COL18A1: variants seen among roughly 807,000 people sequenced by gnomAD.
The protein encoded by COL18A1 is collagen alpha-1(XVIII) chain.
COL18A1 carries 133 observed loss-of-function variants against 168.0 expected under a neutral mutation model. That is an observed-to-expected ratio of 0.79 (90% CI 0.69 to 0.91). The LOEUF (loss-of-function observed/expected upper bound fraction) is 0.91, where lower values mean the gene tolerates loss of function less well. Ranked by LOEUF, COL18A1 falls within the 40% of genes least tolerant of loss-of-function variation. The pLI is 0.00. For missense variants in COL18A1, 2,126 were observed against 1,925.4 expected (o/e 1.10, Z -1.95); for synonymous variants, 949 against 809.0 (o/e 1.17, Z -2.94).
At chr21:45,429,524 A>G (rs1362788948) in intron 2 of COL18A1, among the ~76,000 whole-genome samples, 1 of 152,186 alleles carries the variant, frequency 6.6e-6, no homozygotes, top group Non-Finnish European at 1.5e-5. Context: ...GCTGCATAGA[A>G]CATGGCCCAG....
rs758740270 is a variant in COL18A1 at position 45,477,928 on chromosome 21, C to T, written c.1184C>T (p.Pro395Leu). The T allele has an allele frequency of 1.2e-5, 19 of 1,560,328 alleles. No homozygotes were observed. Among genetic ancestry groups the T allele is most frequent in the Middle Eastern group, 1.7e-4 (1 of 5,980 alleles). The change falls in exon 8 of 42, where the codon CCG becomes CTG. Residue 395 changes from proline (P) to leucine (L), a missense_variant. Transcript: ENST00000651438. ...VPGPQGPPGPPGRDGTPGRDG... is the reference protein window; with the variant it reads ...VPGPQGPPGPLGRDGTPGRDG... Reference sequence around the variant, plus strand: ...GGACCACAAGGACCCCCAGGGCCTCCGGGGAGGGACGGCACCCCTGGAAGG... The same window carrying T: ...GGACCACAAGGACCCCCAGGGCCTCTGGGGAGGGACGGCACCCCTGGAAGG...
At chr21:45,455,199 C>T (rs1430030185) in intron 2 of COL18A1, among the ~76,000 whole-genome samples, 1 of 152,256 alleles carries the variant, frequency 6.6e-6, no homozygotes, top group Non-Finnish European at 1.5e-5. Flanking sequence ...AATCCAGAGA[C>T]TCAGCAGCCC....
chr21:45,408,353 ACATGTG>A (rs1171428759), intron 2 of COL18A1: 1 of 152,300 alleles, frequency 6.6e-6, no homozygotes, highest in Non-Finnish European at 1.5e-5. Context: ...ACAAAAGTGC[ACATGTG>A]TGTGCACACA....
chr21:45,443,319 G>A lies in COL18A1; in HGVS notation c.107-24923G>A, dbSNP rs1010498056. On this transcript the variant is annotated intron_variant, in intron 2 of 41. Coordinates refer to ENST00000651438, the MANE Select transcript of COL18A1 (RefSeq NM_001379500.1). This position sits in a 1 kb window ranked among gnomAD's most constrained non-coding sequence, Gnocchi z 5.2. ...CAGCCCCATGGGAACCTGGCTGTGTGAGCCTGCCCTGGGGCCTTCCATGAG... is the reference window on the plus strand; with the variant it reads ...CAGCCCCATGGGAACCTGGCTGTGTAAGCCTGCCCTGGGGCCTTCCATGAG... 2.0e-5 allele frequency among the ~76,000 whole-genome samples: 3 copies of A among 152,176 alleles called. No individual in the cohort carries two copies. The highest frequency in any genetic ancestry group is 7.2e-5 in the African/African-American group (3 of 41,434).
chr21:45,422,485 G>C (rs1423616983), intron 2 of COL18A1: 3 of 528,970 alleles, frequency 5.7e-6, no homozygotes, highest in Non-Finnish European at 1.2e-5. Flanking sequence ...GCAGAAGCCA[G>C]GAGCCGGGGC....
chr21:45,431,569 A>C (rs7281960), intron 2 of COL18A1, among the ~76,000 whole-genome samples: 1,642 of 124,070 alleles, frequency 0.013, 43 homozygotes, highest in East Asian at 0.037. Flanking sequence ...AGGCAGGACC[A>C]GGCGGCCCTG....
At chr21:45,503,648 A>AGG (rs1399435227) in intron 32 of COL18A1, among the ~76,000 whole-genome samples, 2 of 56,296 alleles carry the variant, frequency 3.6e-5, no homozygotes, top group East Asian at 6.3e-4. Context: ...GGGTGGGGGG[A>AGG]GGGGGGAGGG....
At chr21:45,487,579 C>A in intron 17 of COL18A1, 70 bp downstream of exon 17, 1 of 1,587,238 alleles carries the variant, frequency 6.3e-7, no homozygotes, top group Non-Finnish European at 8.6e-7. Flanking sequence ...GGAGAGTGTC[C>A]CTGAGAGCCA....
At chr21:45,507,974 T>A (rs895222411) in intron 38 of COL18A1, among the ~76,000 whole-genome samples, 4 of 152,158 alleles carry the variant, frequency 2.6e-5, no homozygotes, top group African/African-American at 9.7e-5. Context: ...GGTGGGTGAC[T>A]GGGTGGGTGA....
intron 2 of COL18A1, among the ~76,000 whole-genome samples, chr21:45,430,216 C>T (rs545807753): frequency 6.6e-6 from 1 of 151,410 alleles, no homozygotes; most frequent in South Asian, 2.1e-4. Flanking sequence ...AGCACCCTCT[C>T]GCCCTCTCCT....
At chr21:45,422,445 C>T (rs1185032276) in intron 2 of COL18A1, 1 of 531,996 alleles carries the variant, frequency 1.9e-6, no homozygotes, top group East Asian at 5.5e-5. Context: ...ATGGGAGGCT[C>T]CAGGATAGAG....
Position 45,509,530 on chromosome 21 carries a change from T to C in COL18A1, c.3424T>C (p.Ser1142Pro). Residue 1142 changes from serine to proline, a missense_variant, in exon 39 of 42, where the codon TCC (serine) becomes CCC (proline). Physicochemically the swap from Ser to Pro is moderately conservative, Grantham distance 74 (BLOSUM62 -1). Transcript: ENST00000651438. ...CTACCCCGGAGCCCCGCACCACAGC[T>C]CCTACGTGCACCTGCGGCCGGCGCG... Reference protein sequence around the residue: ...QPYPGAPHHSSYVHLRPARPT... With the variant: ...QPYPGAPHHSPYVHLRPARPT... 6.5e-7 allele frequency: 1 copy of C among 1,536,840 alleles called. No individual in the cohort carries two copies. The highest frequency in any genetic ancestry group is 8.7e-7 in the Non-Finnish European group (1 of 1,143,304).
rs769451817 is a variant in COL18A1, at chr21:45,491,214, T to G, written c.2068-11T>G. The stretch of plus-strand genomic sequence containing the variant: ...GAGATGAAATGCCGGACGCGTGGCC[T>G]CCTCTTCCAGGGAGATCCAGGGAAG... On this transcript the variant is annotated splice_polypyrimidine_tract_variant and intron_variant, in intron 21 of 41. Transcript: ENST00000651438. 1 of 1,609,218 alleles carries G rather than the reference T, an allele frequency of 6.2e-7. No individual in the cohort carries two copies. Among genetic ancestry groups the G allele is most frequent in the Admixed American group, 1.7e-5 (1 of 60,016 alleles).
chr21:45,479,836 T>G, intron 9 of COL18A1, 66 bp from the exon 10 acceptor site: 12 of 1,606,214 alleles, frequency 7.5e-6, no homozygotes, highest in African/African-American at 1.3e-5. Flanking sequence ...GGAGGAGCAC[T>G]GAGAGTGCTG....
At position 45,443,100 on chromosome 21, in the gene COL18A1, G is replaced by A. The variant is rs1428450667; in HGVS notation, c.107-25142G>A. On this transcript the variant is annotated intron_variant, in intron 2 of 41. Transcript: ENST00000651438. This position sits in a 1 kb window ranked among gnomAD's most constrained non-coding sequence, Gnocchi z 5.2. Reference sequence around the variant, plus strand: ...GGGTGGTGGTGGTGCTGATGTGGGCGGCGGTGCTGGTGTGGGCGGCGGTGC... The same window carrying A: ...GGGTGGTGGTGGTGCTGATGTGGGCAGCGGTGCTGGTGTGGGCGGCGGTGC... Among the ~76,000 whole-genome samples the A allele has an allele frequency of 2.6e-5, 2 of 76,978 alleles. No individual in the cohort carries two copies. The highest frequency in any genetic ancestry group is 1.4e-4 in the Admixed American group (1 of 6,912). The allele number at this position is 76,978 out of a possible 152,430, so 50.5% of individuals were successfully genotyped here.
At chr21:45,505,460 C>T (rs1220821452) in intron 36 of COL18A1, 29 bp downstream of exon 36, 1 of 1,241,606 alleles carries the variant, frequency 8.1e-7, no homozygotes. Context: ...GGCTGGGCAC[C>T]TGCGTCCCGT....
intron 2 of COL18A1, among the ~76,000 whole-genome samples, chr21:45,427,363 T>C (rs959402921): frequency 6.6e-6 from 1 of 152,178 alleles, no homozygotes; most frequent in Non-Finnish European, 1.5e-5. Flanking sequence ...GGAGGCCAGA[T>C]GTGGCCCCTA....
In COL18A1 at chr21:45,490,318, C is replaced by T; in HGVS notation, c.2003C>T (p.Pro668Leu). ...ADGVPGFPGL[P>L]GREGIAGPQG... ...GGAGTCCCCGGGTTCCCCGGCCTCC[C>T]TGGCAGAGAGGGCATTGCTGGGCCC... Residue 668 changes from proline to leucine, a missense_variant, in exon 20 of 42, where the codon CCT becomes CTT. Transcript: ENST00000651438. 6.3e-7 allele frequency: 1 copy of T among 1,588,418 alleles called. No homozygotes were observed. The highest frequency in any genetic ancestry group is 8.6e-7 in the Non-Finnish European group (1 of 1,168,186).
At chr21:45,499,182 C>T (rs1047248657) in intron 32 of COL18A1, among the ~76,000 whole-genome samples, 6 of 152,216 alleles carry the variant, frequency 3.9e-5, no homozygotes, top group Non-Finnish European at 7.3e-5. Flanking sequence ...GTGTAGACTC[C>T]GACAGCCAGT....
Sources: gnomAD v4.1 joint callset for allele counts (sites outside exome capture counted in the v4.1 genomes callset) on GRCh38, gnomAD v4.1.1 for gene constraint, Gnocchi (gnomAD v3.1) non-coding constraint, MANE v1.5 for transcripts, NCBI Gene and HGNC (gene_info 2026-07-23, HGNC 2026-07-21) for gene names.